The following REST variants were observed in gnomAD, a reference collection of about 807,000 sequenced individuals.
The protein encoded by REST is RE1-silencing transcription factor.
In REST, 1 loss-of-function variant was observed where a neutral mutation model predicts 30.4. That is an observed-to-expected ratio of 0.03 (90% CI 0.01 to 0.16). REST has a LOEUF of 0.16. REST is among the 10% of genes least tolerant of loss of function. The pLI is 1.00. For missense variants in REST, 1,259 were observed against 1,329.5 expected (o/e 0.95, Z 0.82); for synonymous variants, 504 against 451.1 (o/e 1.12, Z -1.49).
Position 56,931,710 on chromosome 4 carries a change from C to G in REST, c.2852C>G (p.Thr951Ser). The G allele has an allele frequency of 6.2e-7, 1 of 1,614,198 alleles. No individual in the cohort carries two copies. Among genetic ancestry groups the G allele is most frequent in the Non-Finnish European group, 8.5e-7 (1 of 1,180,032 alleles). Residue 951 changes from threonine (T) to serine (S), a missense_variant, in exon 4 of 4, where the codon ACT (threonine) becomes AGT (serine). Thr to Ser is a moderately conservative substitution (Grantham distance 58). Transcript: ENST00000309042. Reference sequence around the variant, plus strand: ...ATAGTTTGTGAAATGAAAATGGACACTGATCAGAACACAAGAGAGAATCTC... The same window carrying G: ...ATAGTTTGTGAAATGAAAATGGACAGTGATCAGAACACAAGAGAGAATCTC... ...DSIVCEMKMD[T>S]DQNTRENLTG... is the part of the protein sequence containing the mutation.
At chr4:56,921,545 G>A (rs1720453939) in intron 3 of REST, among the ~76,000 whole-genome samples, 1 of 152,078 alleles carries the variant, frequency 6.6e-6, no homozygotes, top group Non-Finnish European at 1.5e-5. Flanking sequence ...CAGTAGCTGG[G>A]ATTACAGGCA....
At chr4:56,924,619 GTT>G (rs11317856) in intron 3 of REST, among the ~76,000 whole-genome samples, 6 of 147,084 alleles carry the variant, frequency 4.1e-5, no homozygotes, top group South Asian at 2.2e-4. Context: ...TACCATGCCT[GTT>G]TTTTTTTTTT....
In REST at chr4:56,934,490, G is replaced by A. The variant is rs1038039294; in HGVS notation, c.*2338G>A. On this transcript the variant is annotated 3_prime_UTR_variant, in exon 4 of 4. Transcript: ENST00000309042. ...ATTGATTTGTAAAAACATTGTTACT[G>A]GAAATTTATTGGACTTGAGGCCTTC... The A allele has an allele frequency of 3.9e-5, 6 of 152,124 alleles. No individual in the cohort carries two copies. The highest frequency in any genetic ancestry group is 1.4e-4 in the African/African-American group (6 of 41,448). The allele number at this position is 152,124 out of a possible 1,614,324, so 9.4% of individuals were successfully genotyped here.
At position 56,911,014 on chromosome 4, in the gene REST, G is replaced by A. The variant is rs1719877953; in HGVS notation, c.376G>A (p.Glu126Lys). The A allele has an allele frequency of 1.2e-6, 2 of 1,614,188 alleles. No homozygotes were observed. Among genetic ancestry groups the A allele is most frequent in the East Asian group, 4.5e-5 (2 of 44,884 alleles). Residue 126 changes from glutamate to lysine, a missense_variant, in exon 2 of 4, where the codon GAG becomes AAG. This residue lies in a region of REST where 249 missense variants were observed against 251.5 expected (regional missense o/e 0.99). Coordinates refer to ENST00000309042, the MANE Select transcript of REST (RefSeq NM_005612.5). Reference sequence around the variant, plus strand: ...CGTCGTAGAACCTCAGCCTGTATTTGAGGCATCAGGTGCTCCAGATATTTA... The same window carrying A: ...CGTCGTAGAACCTCAGCCTGTATTTAAGGCATCAGGTGCTCCAGATATTTA... ...LSVVEPQPVFEASGAPDIYSS... is the reference protein window; with the variant it reads ...LSVVEPQPVFKASGAPDIYSS...
chr4:56,924,434 G>A (rs975506211), intron 3 of REST, among the ~76,000 whole-genome samples: 1 of 152,082 alleles, frequency 6.6e-6, no homozygotes, highest in Non-Finnish European at 1.5e-5. Flanking sequence ...CTTTCCCCTG[G>A]ATGATATTCT....
In REST at chr4:56,932,706, A is replaced by C. The variant is rs1336089455; in HGVS notation, c.*554A>C. On this transcript the variant is annotated 3_prime_UTR_variant, in exon 4 of 4. Coordinates refer to ENST00000309042, the MANE Select transcript of REST (RefSeq NM_005612.5). ...TTTGATCAATATTTTTTATTTGTGTATGTTAATCGTCATAAAAACAGTGAT... is the reference window on the plus strand; with the variant it reads ...TTTGATCAATATTTTTTATTTGTGTCTGTTAATCGTCATAAAAACAGTGAT... 1 of 152,040 alleles carries C rather than the reference A, an allele frequency of 6.6e-6. No individual in the cohort carries two copies. Among genetic ancestry groups the C allele is most frequent in the Non-Finnish European group, 1.5e-5 (1 of 67,988 alleles). The allele number at this position is 152,040 out of a possible 1,614,324, so 9.4% of individuals were successfully genotyped here. A position where few individuals can be genotyped will look rare whatever the true frequency, so the allele number is the denominator to read the frequency against.
In REST at chr4:56,925,429, C is replaced by T. The variant is rs747245060; in HGVS notation, c.983-4412C>T. 4.8e-4 allele frequency among the ~76,000 whole-genome samples: 73 copies of T among 152,058 alleles called. 3 individuals carry two copies. Among genetic ancestry groups the T allele is most frequent in the Non-Finnish European group, 1.6e-4 (11 of 68,038 alleles). On this transcript the variant is annotated intron_variant, in intron 3 of 3. Transcript: ENST00000309042. Reference sequence around the variant, plus strand: ...GTCTCACTAGGTTGCCCAGACTGGTCTCAACCTCCTTAGCTCAAGCAATCT... The same window carrying T: ...GTCTCACTAGGTTGCCCAGACTGGTTTCAACCTCCTTAGCTCAAGCAATCT...
Position 56,911,253 on chromosome 4 carries a change from T to C in REST, c.615T>C (p.Thr205=). 1.9e-6 allele frequency: 3 copies of C among 1,614,168 alleles called. No homozygotes were observed. Among genetic ancestry groups the C allele is most frequent in the Non-Finnish European group, 2.5e-6 (3 of 1,180,016 alleles). ...QAKARESGSS[T]AEEGDFSKGP... ...AAGCCAGGGAATCTGGCTCTTCCAC[T>C]GCAGAAGAGGGAGATTTCTCCAAGG... The change falls in exon 2 of 4, where the codon ACT becomes ACC. Residue 205 remains threonine, a synonymous_variant. Transcript: ENST00000309042.
rs1404826960 is a variant in REST, at chr4:56,932,991, AGT to A, written c.*845_*846del. 6.6e-6 allele frequency: 1 copy of A among 152,166 alleles called. No individual in the cohort carries two copies. The highest frequency in any genetic ancestry group is 2.4e-5 in the African/African-American group (1 of 41,442). 9.4% of individuals were successfully genotyped at this position (152,166 alleles called of 1,614,324 possible). A position where few individuals can be genotyped will look rare whatever the true frequency, so the allele number is the denominator to read the frequency against. ...GCAGTTGTCTATTTTGCAGAATAATAGTGTGTGCAAGTTTGTGAGCAAATGAA... is the reference window on the plus strand; with the variant it reads ...GCAGTTGTCTATTTTGCAGAATAATAGTGTGCAAGTTTGTGAGCAAATGAA... On this transcript the variant is annotated 3_prime_UTR_variant, in exon 4 of 4. Coordinates refer to ENST00000309042, the MANE Select transcript of REST (RefSeq NM_005612.5).
chr4:56,930,544 C>T lies in REST; in HGVS notation c.1686C>T (p.Asp562=). 6.2e-7 allele frequency: 1 copy of T among 1,611,702 alleles called. No individual in the cohort carries two copies. The highest frequency in any genetic ancestry group is 8.5e-7 in the Non-Finnish European group (1 of 1,179,484). ...KNNSQEVPKG[D]SKVEENKKQN... is the part of the protein sequence containing the mutation. ...ATAGTCAGGAAGTGCCAAAGGGTGA[C>T]AGCAAAGTGGAGGAGAATAAAAAGC... The change falls in exon 4 of 4, where the codon GAC becomes GAT. Residue 562 remains aspartate, a synonymous_variant. Coordinates refer to ENST00000309042, the MANE Select transcript of REST (RefSeq NM_005612.5).
intron 2 of REST, among the ~76,000 whole-genome samples, chr4:56,918,109 A>G (rs1206446248): frequency 6.6e-6 from 1 of 151,734 alleles, no homozygotes; most frequent in Non-Finnish European, 1.5e-5. Flanking sequence ...AAAAGAATAT[A>G]CGTTTCCTAC....
At chr4:56,918,155 G>T (rs1384010645) in intron 2 of REST, among the ~76,000 whole-genome samples, 1 of 151,774 alleles carries the variant, frequency 6.6e-6, no homozygotes, top group Non-Finnish European at 1.5e-5. Context: ...TAAATCACTG[G>T]CCTCTAGTCT....
Position 56,928,697 on chromosome 4 carries a change from T to G in REST, c.983-1144T>G, listed in dbSNP as rs1481655024. On this transcript the variant is annotated intron_variant, in intron 3 of 3. Transcript: ENST00000309042. ...GCCTCCTGAGTTAAAGCAATTCTCG[T>G]GTCTCAGCCTCCCTAGTAGGTGGGA... is the stretch of plus-strand genomic sequence containing the variant. 3.3e-5 allele frequency among the ~76,000 whole-genome samples: 5 copies of G among 152,102 alleles called. No homozygotes were observed. In the East Asian group the frequency reaches 9.7e-4, roughly 30 times the overall value.
Position 56,921,593 on chromosome 4 carries a change from A to G in REST, c.982+1723A>G, listed in dbSNP as rs143960517. Among the ~76,000 whole-genome samples the G allele has an allele frequency of 3.3e-3, 503 of 152,102 alleles. 6 individuals carry two copies. The highest frequency in any genetic ancestry group is 0.011 in the African/African-American group (466 of 41,502). On this transcript the variant is annotated intron_variant, in intron 3 of 3. Coordinates refer to ENST00000309042, the MANE Select transcript of REST (RefSeq NM_005612.5). ...CCCAGCTAATTTTTGTAATTTTAGT[A>G]GAGATGGGGTTTCGCCATGTTGGTC... is the stretch of plus-strand genomic sequence containing the variant.
intron 3 of REST, chr4:56,927,713 TG>T (rs1444991704): frequency 1.1e-6 from 1 of 901,012 alleles, no homozygotes; most frequent in Non-Finnish European, 1.5e-6. Flanking sequence ...AATTTGGGGG[TG>T]GGGGTTCTGG....
At chr4:56,913,137 C>G (rs764193978) in intron 2 of REST, among the ~76,000 whole-genome samples, 3 of 151,972 alleles carry the variant, frequency 2.0e-5, no homozygotes, top group Non-Finnish European at 4.4e-5. Flanking sequence ...AGCTGCTGTT[C>G]ACTGTAGTTT....
In REST at chr4:56,934,724, T is replaced by C. The variant is rs1298331648; in HGVS notation, c.*2572T>C. ...ATTTTCTAGTCCCCCTCCCCCACAC[T>C]GGATAGAATTTAGCCTAGAATTTTC... is the stretch of plus-strand genomic sequence containing the variant. On this transcript the variant is annotated 3_prime_UTR_variant, in exon 4 of 4. Transcript: ENST00000309042. The C allele has an allele frequency of 6.6e-6, 1 of 152,174 alleles. No homozygotes were observed. The highest frequency in any genetic ancestry group is 1.5e-5 in the Non-Finnish European group (1 of 68,014). 9.4% of individuals were successfully genotyped at this position (152,174 alleles called of 1,614,324 possible).
At chr4:56,912,779 T>G (rs1560443122) in intron 2 of REST, among the ~76,000 whole-genome samples, 1 of 151,122 alleles carries the variant, frequency 6.6e-6, no homozygotes, top group Admixed American at 6.6e-5. Context: ...CCCAGAATGC[T>G]GGGATTACAG....
rs1383119528 is a variant in REST, at chr4:56,932,968, A to G, written c.*816A>G. 6.6e-6 allele frequency: 1 copy of G among 152,160 alleles called. No individual in the cohort carries two copies. Among genetic ancestry groups the G allele is most frequent in the African/African-American group, 2.4e-5 (1 of 41,444 alleles). The allele number at this position is 152,160 out of a possible 1,614,324, so 9.4% of individuals were successfully genotyped here. ...GGGCAGTTTTCTTTTTCTTTGCTGC[A>G]GTTGTCTATTTTGCAGAATAATAGT... On this transcript the variant is annotated 3_prime_UTR_variant, in exon 4 of 4. Transcript: ENST00000309042.
Sources: allele counts gnomAD v4.1 joint callset (sites outside exome capture counted in the v4.1 genomes callset), GRCh38; gene constraint gnomAD v4.1.1; regional missense constraint gnomAD v4.1.1; transcripts MANE v1.5; gene names NCBI Gene and HGNC (gene_info 2026-07-23, HGNC 2026-07-21).